Variants in ASPRV1 observed in about 807,000 individuals in gnomAD.
ASPRV1 encodes the protein aspartic peptidase retroviral like 1.
A neutral mutation model predicts 11.0 loss-of-function variants in ASPRV1; 7 were observed. The observed-to-expected ratio is 0.64, with a 90% CI of 0.36 to 1.20. ASPRV1 has a LOEUF of 1.20. Ranked by LOEUF, ASPRV1 falls within the 50% of genes most tolerant of loss-of-function variation. The pLI is 0.02. For missense variants in ASPRV1, 299 were observed against 320.0 expected (o/e 0.93, Z 0.50); for synonymous variants, 136 against 138.4 (o/e 0.98, Z 0.12).
chr2:69,935,574 T>C, the ASPRV1 span: 1 of 728,930 alleles, frequency 1.4e-6, no homozygotes, highest in South Asian at 1.6e-5. Flanking sequence ...AGTCTAGCTA[T>C]TGGATGAATC....
chr2:69,993,492 G>GC, the ASPRV1 span: 1 of 152,188 alleles, frequency 6.6e-6, no homozygotes, highest in Non-Finnish European at 1.5e-5. Flanking sequence ...GAGAGGACTT[G>GC]CCCCCTGAAC....
the ASPRV1 span, chr2:70,016,069 A>G: frequency 6.6e-6 from 1 of 152,228 alleles, no homozygotes; most frequent in Non-Finnish European, 1.5e-5. Context: ...AAAGGAAACT[A>G]ACAGACATAA....
the ASPRV1 span, among the ~76,000 whole-genome samples, chr2:69,987,792 GA>G: frequency 1.3e-5 from 2 of 152,148 alleles, no homozygotes; most frequent in African/African-American, 4.8e-5. Context: ...TCTCAGAGCT[GA>G]ACAGGGACTG....
At position 69,961,041 on chromosome 2, in the gene ASPRV1, C is replaced by A. The variant is rs777250815; in HGVS notation, c.396G>T (p.Gln132His). 1.2e-6 allele frequency: 2 copies of A among 1,614,092 alleles called. No homozygotes were observed. Among genetic ancestry groups the A allele is most frequent in the African/African-American group, 1.3e-5 (1 of 75,020 alleles). ...PVRFLVDSGA[Q>H]VSVVHPNLWE... ...ACAAGTTTGGGTGGACCACAGAGACCTGGGCCCCAGAGTCCACCAGGAACC... is the reference window on the plus strand; with the variant it reads ...ACAAGTTTGGGTGGACCACAGAGACATGGGCCCCAGAGTCCACCAGGAACC... Residue 132 changes from glutamine to histidine, a missense_variant, in exon 1 of 1, where the codon CAG (glutamine) becomes CAT (histidine). Gln to His is a conservative substitution (Grantham distance 24). Coordinates refer to ENST00000320256, the MANE Select transcript of ASPRV1 (RefSeq NM_152792.4).
the ASPRV1 span, chr2:70,030,458 A>G: frequency 6.6e-6 from 1 of 152,214 alleles, no homozygotes; most frequent in Non-Finnish European, 1.5e-5. Context: ...ACCTTCCTAC[A>G]GCCTCCAACA....
At chr2:70,071,627 A>T in the ASPRV1 span, 3 of 152,170 alleles carry the variant, frequency 2.0e-5, no homozygotes, top group Admixed American at 6.6e-5. Flanking sequence ...CTGTAATCCC[A>T]GCTACTCAGG....
At chr2:70,055,302 C>T in the ASPRV1 span, among the ~76,000 whole-genome samples, 1,947 of 151,948 alleles carry the variant, frequency 0.013, 48 homozygotes, top group African/African-American at 0.045. Context: ...AGCAAGACTC[C>T]GTCTCAAAAA....
the ASPRV1 span, among the ~76,000 whole-genome samples, chr2:69,935,736 C>T: frequency 1.3e-5 from 2 of 152,190 alleles, no homozygotes; most frequent in African/African-American, 2.4e-5. Context: ...AACCATATAT[C>T]TAGGCCATCT....
chr2:69,936,215 C>A, the ASPRV1 span, among the ~76,000 whole-genome samples: 51 of 152,230 alleles, frequency 3.4e-4, no homozygotes, highest in Non-Finnish European at 5.9e-5. Context: ...AACTCAGTGA[C>A]CTCCTTCCTG....
the ASPRV1 span, among the ~76,000 whole-genome samples, chr2:70,007,218 A>G: frequency 2.0e-5 from 3 of 152,232 alleles, no homozygotes; most frequent in African/African-American, 7.2e-5. Context: ...GAAATGAAGT[A>G]GAACGCTATC....
the ASPRV1 span, among the ~76,000 whole-genome samples, chr2:69,935,027 T>TTGTAAG: frequency 6.6e-6 from 1 of 152,194 alleles, no homozygotes; most frequent in Admixed American, 6.5e-5. Context: ...ATTTAAAAAA[T>TTGTAAG]TGTAAGTTGA....
chr2:70,041,943 T>C, the ASPRV1 span, among the ~76,000 whole-genome samples: 1 of 152,162 alleles, frequency 6.6e-6, no homozygotes, highest in South Asian at 2.1e-4. Flanking sequence ...GATTACTACC[T>C]TCATCTGGAA....
the ASPRV1 span, among the ~76,000 whole-genome samples, chr2:70,071,372 G>A: frequency 1.3e-5 from 2 of 152,208 alleles, no homozygotes; most frequent in African/African-American, 4.8e-5. Flanking sequence ...TTACACATAG[G>A]AAGACTGTCT....
upstream of ASPRV1, chr2:69,961,977 A>T (rs1572876520): frequency 2.8e-6 from 1 of 361,370 alleles, no homozygotes; most frequent in Non-Finnish European, 5.3e-6. Context: ...CAGCTCAGAG[A>T]CCGGGGAAGC....
At chr2:69,985,135 C>T in the ASPRV1 span, among the ~76,000 whole-genome samples, 13 of 152,300 alleles carry the variant, frequency 8.5e-5, no homozygotes, top group South Asian at 1.4e-3. Context: ...GGATTACGGG[C>T]GTGAGCCACG....
At chr2:70,046,779 C>A in the ASPRV1 span, 3 of 152,144 alleles carry the variant, frequency 2.0e-5, no homozygotes, top group African/African-American at 7.2e-5. Context: ...GATTACTCAA[C>A]AGCATGTGCT....
the ASPRV1 span, among the ~76,000 whole-genome samples, chr2:70,068,787 AT>A: frequency 4.7e-5 from 7 of 148,856 alleles, no homozygotes; most frequent in South Asian, 2.1e-4. Context: ...AAAAAAAAAA[AT>A]AACAAAATTA....
the ASPRV1 span, among the ~76,000 whole-genome samples, chr2:70,021,732 C>G: frequency 1.9e-3 from 282 of 151,152 alleles, no homozygotes; most frequent in Middle Eastern, 0.01. Context: ...GAGACAGAGT[C>G]TCTCTCTGTC....
chr2:69,947,448 A>C, the ASPRV1 span, among the ~76,000 whole-genome samples: 11 of 152,214 alleles, frequency 7.2e-5, no homozygotes, highest in African/African-American at 2.7e-4. Context: ...CAGGAAACTC[A>C]GAGCCAAATT....
Sources: allele counts gnomAD v4.1 joint callset (sites outside exome capture counted in the v4.1 genomes callset), GRCh38; gene constraint gnomAD v4.1.1; transcripts MANE v1.5; gene names NCBI Gene and HGNC (gene_info 2026-07-23, HGNC 2026-07-21).